The following ANKRD42 variants were observed in gnomAD, a reference collection of about 807,000 sequenced individuals.
The protein encoded by ANKRD42 is ankyrin repeat domain-containing protein 42.
In ANKRD42, 43 loss-of-function variants were observed where a neutral mutation model predicts 51.5. The observed-to-expected ratio is 0.83, with a 90% CI of 0.65 to 1.08. The LOEUF (loss-of-function observed/expected upper bound fraction) is 1.08. Among genes scored for constraint, ANKRD42 ranks in the 50% least tolerant of loss-of-function variants. The pLI is 0.00. For missense variants in ANKRD42, 608 were observed against 629.3 expected (o/e 0.97, Z 0.36); for synonymous variants, 203 against 213.0 (o/e 0.95, Z 0.41).
chr11:83,254,236 A>C lies in ANKRD42; in HGVS notation c.1465-1609A>C, dbSNP rs181410876. Among the ~76,000 whole-genome samples, 15 of 152,084 alleles carry C rather than the reference A, an allele frequency of 9.9e-5. No individual in the cohort carries two copies. In the East Asian group the frequency reaches 2.7e-3, roughly 27 times the overall value. ...GTGATCTGCCCACCACAGCCTCCTAAAGTGCTGGGATTACAGATGTGAGCC... is the reference window on the plus strand; with the variant it reads ...GTGATCTGCCCACCACAGCCTCCTACAGTGCTGGGATTACAGATGTGAGCC... On this transcript the variant is annotated intron_variant, in intron 11 of 11. Coordinates refer to the ANKRD42 transcript ENST00000260047.
intron 5 of ANKRD42, among the ~76,000 whole-genome samples, chr11:83,218,409 C>T (rs570153547): frequency 4.6e-5 from 7 of 152,236 alleles, no homozygotes; most frequent in East Asian, 1.9e-4. Context: ...GCTGGGCTGC[C>T]GCTAAAGCTG....
chr11:83,239,609 G>A (rs1398594980), intron 8 of ANKRD42, among the ~76,000 whole-genome samples: 1 of 152,014 alleles, frequency 6.6e-6, no homozygotes, highest in Non-Finnish European at 1.5e-5. Context: ...TTTTGCATAT[G>A]GATATCCAGT....
intron 10 of ANKRD42, among the ~76,000 whole-genome samples, chr11:83,247,708 A>G (rs1863584382): frequency 6.6e-6 from 1 of 152,256 alleles, no homozygotes; most frequent in East Asian, 1.9e-4. Context: ...TTGTCTGCAT[A>G]TCTCTATTAC....
In ANKRD42 at chr11:83,236,390, C is replaced by G; in HGVS notation, c.914-14C>G. On this transcript the variant is annotated splice_polypyrimidine_tract_variant and intron_variant, in intron 7 of 10. Coordinates refer to ENST00000533342, the MANE Select transcript of ANKRD42 (RefSeq NM_001300975.2). ...TTGTGTGTAATTCCTGTTCTTTTTCCTTTTTTTGAACAGCTGCTGGACAAG... is the reference window on the plus strand; with the variant it reads ...TTGTGTGTAATTCCTGTTCTTTTTCGTTTTTTTGAACAGCTGCTGGACAAG... 1.3e-6 allele frequency: 2 copies of G among 1,577,866 alleles called. No individual in the cohort carries two copies. The highest frequency in any genetic ancestry group is 1.7e-6 in the Non-Finnish European group (2 of 1,166,586).
chr11:83,255,301 A>G (rs1863749631), intron 11 of ANKRD42, among the ~76,000 whole-genome samples: 1 of 152,210 alleles, frequency 6.6e-6, no homozygotes, highest in Admixed American at 6.5e-5. Context: ...GGGTCTTAAG[A>G]ATACCAAGAT....
At chr11:83,212,548 A>G in intron 5 of ANKRD42, 4 of 975,614 alleles carry the variant, frequency 4.1e-6, no homozygotes, top group Non-Finnish European at 6.3e-6. Flanking sequence ...TCACAGTGAG[A>G]TTGGAGTGAA....
intron 1 of ANKRD42, among the ~76,000 whole-genome samples, chr11:83,196,290 A>G (rs1429830204): frequency 1.3e-5 from 2 of 152,104 alleles, no homozygotes; most frequent in East Asian, 3.9e-4. Flanking sequence ...TGTCTGCTCA[A>G]GTCCAAGTTT....
intron 2 of ANKRD42, among the ~76,000 whole-genome samples, chr11:83,203,927 C>T (rs967677823): frequency 4.6e-5 from 7 of 152,020 alleles, no homozygotes; most frequent in East Asian, 1.9e-4. Flanking sequence ...CCATCTGGTT[C>T]GGTTCTCTTC....
downstream of ANKRD42, chr11:83,261,390 T>C (rs1863918685): frequency 6.6e-6 from 1 of 152,210 alleles, no homozygotes; most frequent in Non-Finnish European, 1.5e-5. Flanking sequence ...TTTATTGTTT[T>C]AGTTCATTAC....
chr11:83,213,628 T>C, intron 5 of ANKRD42: 5 of 968,948 alleles, frequency 5.2e-6, no homozygotes, highest in Non-Finnish European at 6.5e-6. Context: ...TCCTGATGAC[T>C]AAAGATGTTG....
intron 9 of ANKRD42, among the ~76,000 whole-genome samples, chr11:83,243,572 C>T (rs963478991): frequency 2.0e-4 from 30 of 152,016 alleles, no homozygotes; most frequent in Non-Finnish European, 5.9e-5. Context: ...TATCTTAATC[C>T]CCTCTATCTT....
At chr11:83,257,328 C>T (rs370803578), downstream of ANKRD42, 2 of 455,716 alleles carry the variant, frequency 4.4e-6, no homozygotes, top group Non-Finnish European at 4.4e-6. Context: ...ACAGGAGCCA[C>T]AGAGCTGGCT....
At chr11:83,205,661 G>C (rs1862044131) in intron 2 of ANKRD42, among the ~76,000 whole-genome samples, 1 of 152,184 alleles carries the variant, frequency 6.6e-6, no homozygotes, top group Non-Finnish European at 1.5e-5. Flanking sequence ...CCCGTTTAAA[G>C]ATCTATGTTT....
chr11:83,208,416 C>T (rs1194012587), intron 3 of ANKRD42, among the ~76,000 whole-genome samples: 6 of 151,908 alleles, frequency 3.9e-5, no homozygotes, highest in African/African-American at 1.5e-4. Flanking sequence ...TACACGTACA[C>T]ATAAACATCC....
rs537457008 is a variant in ANKRD42 at position 83,219,525 on chromosome 11, A to G, written c.587-5330A>G. 3.6e-3 allele frequency among the ~76,000 whole-genome samples: 551 copies of G among 152,340 alleles called. 3 individuals are homozygous for G. The highest frequency in any genetic ancestry group is 4.9e-3 in the Non-Finnish European group (334 of 68,022). On this transcript the variant is annotated intron_variant, in intron 5 of 10. Coordinates refer to ENST00000533342, the MANE Select transcript of ANKRD42 (RefSeq NM_001300975.2). ...GGTGGATGTCCTCTAGGCCAGGGCCAAGAGAACAGCTGCTGTACTTTAGCC... is the reference window on the plus strand; with the variant it reads ...GGTGGATGTCCTCTAGGCCAGGGCCGAGAGAACAGCTGCTGTACTTTAGCC...
At position 83,193,840 on chromosome 11, in the gene ANKRD42, G is replaced by C. The variant is rs147307610; in HGVS notation, c.-831G>C. On this transcript the variant is annotated 5_prime_UTR_variant, in exon 1 of 11. Transcript: ENST00000533342. ...CTACGGCGATTCGCAGGGAGTAGCA[G>C]ACGAAGACGGTGGCCGCCGCACTAG... The C allele has an allele frequency of 2.2e-6, 1 of 455,532 alleles. No individual in the cohort carries two copies. Among genetic ancestry groups the C allele is most frequent in the Non-Finnish European group, 4.4e-6 (1 of 226,144 alleles). The allele number at this position is 455,532 out of a possible 1,614,324, so 28.2% of individuals were successfully genotyped here. A position where few individuals can be genotyped will look rare whatever the true frequency, so the allele number is the denominator to read the frequency against.
intron 5 of ANKRD42, chr11:83,214,493 AT>A (rs1862453360): frequency 3.1e-6 from 3 of 978,992 alleles, no homozygotes; most frequent in African/African-American, 1.8e-5. Context: ...TATTTTATTT[AT>A]AACCAGGTAG....
chr11:83,228,011 G>A, intron 7 of ANKRD42, 139 bp downstream of exon 7: 1 of 876,530 alleles, frequency 1.1e-6, no homozygotes, highest in Non-Finnish European at 1.6e-6. Flanking sequence ...ATCTTGTATG[G>A]TATATAGAAT....
At chr11:83,223,247 C>G (rs1010335845) in intron 5 of ANKRD42, among the ~76,000 whole-genome samples, 11 of 152,142 alleles carry the variant, frequency 7.2e-5, no homozygotes, top group Non-Finnish European at 1.6e-4. Flanking sequence ...AAGACCCTGT[C>G]TCAAAACAAA....
Sources: allele counts gnomAD v4.1 joint callset (sites outside exome capture counted in the v4.1 genomes callset), GRCh38; gene constraint gnomAD v4.1.1; transcripts MANE v1.5; gene names NCBI Gene and HGNC (gene_info 2026-07-23, HGNC 2026-07-21).